Variants in MOB3B observed in about 807,000 individuals in gnomAD.
The protein encoded by MOB3B is MOB kinase activator 3B.
Under a neutral mutation model 18.7 loss-of-function variants are expected in MOB3B, and 7 were observed. The observed-to-expected ratio is 0.37, with a 90% CI of 0.21 to 0.70. The LOEUF is 0.70. Ranked by LOEUF, MOB3B falls within the 30% of genes least tolerant of loss-of-function variation. The probability of loss-of-function intolerance (pLI) is 0.52; values close to 1 mark genes in which losing one functional copy is unlikely to be tolerated. For synonymous variants in MOB3B, 111 were observed against 99.9 expected, an observed-to-expected ratio of 1.11 and a Z score of -0.66; for missense variants, 253 against 281.3, an observed-to-expected ratio of 0.90 and a Z score of 0.72.
chr9:27,382,963 G>A (rs896234562), intron 2 of MOB3B, among the ~76,000 whole-genome samples: 4 of 152,142 alleles, frequency 2.6e-5, no homozygotes, highest in Admixed American at 2.0e-4. Flanking sequence ...AAGCAAGAAG[G>A]TATTTGGGGG....
At position 27,433,867 on chromosome 9, in the gene MOB3B, GT is replaced by G. The variant is rs544942865; in HGVS notation, c.418+21265del. The stretch of plus-strand genomic sequence containing the variant: ...AGGTCAAGCAGCCTTCTCCTTGCGA[GT>G]CAAAGAATTCTTGGCTAAATCAAAG... On this transcript the variant is annotated intron_variant, in intron 2 of 3. Coordinates refer to ENST00000262244, the MANE Select transcript of MOB3B (RefSeq NM_024761.5). Among the ~76,000 whole-genome samples, 618 of 152,258 alleles carry G rather than the reference GT, an allele frequency of 4.1e-3. 12 individuals are homozygous for G. The highest frequency in any genetic ancestry group is 1.8e-3 in the Non-Finnish European group (124 of 68,010).
chr9:27,399,523 G>A (rs376563032), intron 2 of MOB3B, among the ~76,000 whole-genome samples: 2 of 152,176 alleles, frequency 1.3e-5, no homozygotes. Context: ...CAGGAACTTG[G>A]CTGAGAGGCA....
intron 2 of MOB3B, among the ~76,000 whole-genome samples, chr9:27,372,993 T>C (rs62540097): frequency 0.15 from 22,109 of 152,250 alleles, 2,132 homozygotes; most frequent in Non-Finnish European, 0.21. Flanking sequence ...AAACCAACTA[T>C]TCTAAAGAAA....
At chr9:27,467,890 G>A (rs575959822) in intron 1 of MOB3B, among the ~76,000 whole-genome samples, 132 of 152,314 alleles carry the variant, frequency 8.7e-4, no homozygotes, top group African/African-American at 2.8e-3. Flanking sequence ...AAGAAACAAA[G>A]TTGATTTTTG....
intron 2 of MOB3B, among the ~76,000 whole-genome samples, chr9:27,391,537 T>C (rs536100516): frequency 4.9e-4 from 75 of 152,366 alleles, no homozygotes; most frequent in Middle Eastern, 3.4e-3. Context: ...TTGGAAACCA[T>C]AGACATCAAT....
At chr9:27,503,722 C>A (rs143637875) in intron 1 of MOB3B, among the ~76,000 whole-genome samples, 1 of 152,254 alleles carries the variant, frequency 6.6e-6, no homozygotes, top group Admixed American at 6.5e-5. Flanking sequence ...GGCATTTATT[C>A]TCCCAGTTGG....
intron 3 of MOB3B, among the ~76,000 whole-genome samples, chr9:27,354,649 C>T (rs1476663265): frequency 6.6e-6 from 1 of 152,198 alleles, no homozygotes; most frequent in Non-Finnish European, 1.5e-5. Flanking sequence ...GGAGGTGCAT[C>T]ATCCTTAAAG....
chr9:27,359,287 T>A (rs781163016), intron 2 of MOB3B, 51 bp from the exon 3 acceptor site: 1 of 1,513,104 alleles, frequency 6.6e-7, no homozygotes. Context: ...GATAGATCCT[T>A]TTCCTCTTTC....
chr9:27,403,516 A>ATTTTTT lies in MOB3B; in HGVS notation c.419-44286_419-44281dup, dbSNP rs74178385. On this transcript the variant is annotated intron_variant, in intron 2 of 3. Transcript: ENST00000262244. ...TAATGCTTGGTCTGGCTCTTTACTA[A>ATTTTTT]TTTTTTTTTTTTTTTTTTTTTTTTT... Among the ~76,000 whole-genome samples, 546 of 79,596 alleles carry ATTTTTT rather than the reference A, an allele frequency of 6.9e-3. 22 individuals are homozygous for ATTTTTT. Among genetic ancestry groups the ATTTTTT allele is most frequent in the African/African-American group, 0.018 (404 of 22,246 alleles). The allele number at this position is 79,596 out of a possible 152,430, so 52.2% of individuals were successfully genotyped here.
intron 2 of MOB3B, among the ~76,000 whole-genome samples, chr9:27,377,616 TG>T (rs1284358868): frequency 6.6e-6 from 1 of 152,200 alleles, no homozygotes; most frequent in African/African-American, 2.4e-5. Flanking sequence ...TGAGAACTTG[TG>T]CTTCAAACAA....
intron 1 of MOB3B, among the ~76,000 whole-genome samples, chr9:27,482,948 C>A (rs1196293817): frequency 6.6e-6 from 1 of 152,202 alleles, no homozygotes; most frequent in African/African-American, 2.4e-5. Flanking sequence ...CTTGAACAGG[C>A]CTCCTGCTAA....
intron 2 of MOB3B, among the ~76,000 whole-genome samples, chr9:27,443,663 C>A (rs1294900290): frequency 6.6e-6 from 1 of 152,182 alleles, no homozygotes; most frequent in African/African-American, 2.4e-5. Context: ...AGAGACCATA[C>A]CCTGGACCGT....
intron 2 of MOB3B, among the ~76,000 whole-genome samples, chr9:27,370,367 G>A (rs1379723286): frequency 6.6e-6 from 1 of 152,042 alleles, no homozygotes; most frequent in Non-Finnish European, 1.5e-5. Context: ...AATTAGCCGG[G>A]CATGGTGGTG....
intron 1 of MOB3B, among the ~76,000 whole-genome samples, chr9:27,514,849 G>A (rs1239236037): frequency 1.3e-5 from 2 of 152,232 alleles, no homozygotes; most frequent in African/African-American, 4.8e-5. Context: ...TACACAGAGG[G>A]AAGTTGTAAG....
chr9:27,344,678 CT>C (rs1227911943), intron 3 of MOB3B, among the ~76,000 whole-genome samples: 1 of 152,240 alleles, frequency 6.6e-6, no homozygotes, highest in Non-Finnish European at 1.5e-5. Flanking sequence ...GAAAAGTCTT[CT>C]TCTTCAATCA....
intron 2 of MOB3B, among the ~76,000 whole-genome samples, chr9:27,371,622 T>A (rs79841368): frequency 6.6e-6 from 1 of 152,154 alleles, no homozygotes; most frequent in Non-Finnish European, 1.5e-5. Flanking sequence ...AAACAAGATA[T>A]CACATATTCA....
intron 2 of MOB3B, among the ~76,000 whole-genome samples, chr9:27,373,335 A>G (rs1344329828): frequency 1.3e-5 from 2 of 152,188 alleles, no homozygotes; most frequent in Non-Finnish European, 1.5e-5. Flanking sequence ...GCCAGATACA[A>G]CTCCCACTAT....
chr9:27,383,615 G>A (rs903974141), intron 2 of MOB3B, among the ~76,000 whole-genome samples: 2 of 152,212 alleles, frequency 1.3e-5, no homozygotes, highest in African/African-American at 4.8e-5. Flanking sequence ...TATGGGTGTA[G>A]AGGGATAACT....
chr9:27,407,143 T>G (rs992387209), intron 2 of MOB3B, among the ~76,000 whole-genome samples: 1 of 152,188 alleles, frequency 6.6e-6, no homozygotes, highest in Non-Finnish European at 1.5e-5. Flanking sequence ...GGCCCAAAGA[T>G]TTCTTGAGTA....
Sources: allele counts gnomAD v4.1 joint callset (sites outside exome capture counted in the v4.1 genomes callset), GRCh38; gene constraint gnomAD v4.1.1; transcripts MANE v1.5; gene names NCBI Gene and HGNC (gene_info 2026-07-23, HGNC 2026-07-21).